Variants in ARID1B observed in about 807,000 individuals in gnomAD.
ARID1B encodes the protein AT-rich interactive domain-containing protein 1B.
Under a neutral mutation model 212.3 loss-of-function variants are expected in ARID1B, and 30 were observed. That is an observed-to-expected ratio of 0.14 (90% CI 0.11 to 0.19). The LOEUF (loss-of-function observed/expected upper bound fraction) is 0.19. Ranked by LOEUF, ARID1B falls within the 10% of genes least tolerant of loss-of-function variation. The probability of loss-of-function intolerance (pLI) is 1.00; values close to 1 mark genes in which losing one functional copy is unlikely to be tolerated. For synonymous variants in ARID1B, 1,402 were observed against 1,301.7 expected (o/e 1.08, Z -1.66); for missense variants, 2,891 against 3,204.0 (o/e 0.90, Z 2.36).
intron 2 of ARID1B, among the ~76,000 whole-genome samples, chr6:156,855,160 T>C (rs1350962925): frequency 6.6e-6 from 1 of 152,244 alleles, no homozygotes; most frequent in Non-Finnish European, 1.5e-5. Context: ...TGGGGAATGA[T>C]GTCCACTTTT....
At chr6:156,920,979 T>G (rs1235838220) in intron 3 of ARID1B, among the ~76,000 whole-genome samples, 1 of 151,990 alleles carries the variant, frequency 6.6e-6, no homozygotes, top group Non-Finnish European at 1.5e-5. Flanking sequence ...CTCAGCCTCC[T>G]GAGTAGCTGA....
In ARID1B at chr6:156,978,834, G is replaced by A. The variant is rs1024815849; in HGVS notation, c.2247+43258G>A. ...TAAATGTGATATATTACTTTTTCTA[G>A]CCACATACTCTTTTAGCCTTCAATA... On this transcript the variant is annotated intron_variant, in intron 4 of 19. Transcript: ENST00000636930. Among the ~76,000 whole-genome samples, 4 of 151,990 alleles carry A rather than the reference G, an allele frequency of 2.6e-5. 1 individual carries two copies. The East Asian group carries it at 5.8e-4, about 22-fold the overall frequency.
intron 4 of ARID1B, among the ~76,000 whole-genome samples, chr6:157,028,787 CG>C (rs1028845643): frequency 3.3e-5 from 5 of 152,146 alleles, no homozygotes; most frequent in African/African-American, 1.2e-4. Context: ...TTCTGAGTGC[CG>C]CTATTCTTCT....
intron 1 of ARID1B, among the ~76,000 whole-genome samples, chr6:156,818,434 C>G: frequency 6.6e-6 from 1 of 152,098 alleles, no homozygotes; most frequent in Non-Finnish European, 1.5e-5. Flanking sequence ...GGCATGGTAG[C>G]AACCATAGGG....
At chr6:156,887,766 A>G (rs1787627606) in intron 2 of ARID1B, among the ~76,000 whole-genome samples, 1 of 152,128 alleles carries the variant, frequency 6.6e-6, no homozygotes, top group Non-Finnish European at 1.5e-5. Flanking sequence ...TCATTTGAAA[A>G]AAAAAGAAGA....
intron 4 of ARID1B, among the ~76,000 whole-genome samples, chr6:157,048,178 G>A (rs1326821438): frequency 6.6e-6 from 1 of 152,178 alleles, no homozygotes; most frequent in Non-Finnish European, 1.5e-5. Context: ...AACGTGGCTG[G>A]TGTTGAAAGA....
intron 1 of ARID1B, among the ~76,000 whole-genome samples, chr6:156,820,687 G>A (rs992945247): frequency 2.6e-5 from 4 of 152,146 alleles, no homozygotes; most frequent in Non-Finnish European, 5.9e-5. Context: ...TCTCACCCAG[G>A]TTTGTCTGAC....
intron 6 of ARID1B, among the ~76,000 whole-genome samples, chr6:157,116,943 TC>T (rs1787357226): frequency 6.6e-6 from 1 of 152,150 alleles, no homozygotes; most frequent in African/African-American, 2.4e-5. Flanking sequence ...TCTCTATAGT[TC>T]TATAGAGAAA....
At chr6:157,050,763 G>C (rs558349809) in intron 4 of ARID1B, among the ~76,000 whole-genome samples, 1 of 152,064 alleles carries the variant, frequency 6.6e-6, no homozygotes, top group Non-Finnish European at 1.5e-5. Flanking sequence ...TGACTTTTTT[G>C]TTTCCTGATC....
At chr6:156,913,116 T>C (rs1490085401) in intron 3 of ARID1B, among the ~76,000 whole-genome samples, 2 of 151,938 alleles carry the variant, frequency 1.3e-5, no homozygotes, top group African/African-American at 4.8e-5. Context: ...TATACTACAT[T>C]GTAGAGTGAG....
At chr6:157,061,593 C>T (rs1290495206) in intron 4 of ARID1B, among the ~76,000 whole-genome samples, 2 of 151,912 alleles carry the variant, frequency 1.3e-5, no homozygotes, top group Admixed American at 1.3e-4. Context: ...AAAAAGATTG[C>T]CCAGTTATAG....
At chr6:156,853,734 T>C (rs1234053771) in intron 2 of ARID1B, among the ~76,000 whole-genome samples, 1 of 151,946 alleles carries the variant, frequency 6.6e-6, no homozygotes, top group African/African-American at 2.4e-5. Flanking sequence ...CCTCCATACG[T>C]TTTGTTTTTA....
intron 8 of ARID1B, chr6:157,151,098 CTG>C (rs1790166132): frequency 6.5e-6 from 1 of 153,856 alleles, no homozygotes; most frequent in Admixed American, 6.5e-5. Flanking sequence ...CAGGCCCTGT[CTG>C]TGCATGGCTT....
chr6:157,113,653 C>T (rs1284496628), intron 6 of ARID1B, among the ~76,000 whole-genome samples: 1 of 152,208 alleles, frequency 6.6e-6, no homozygotes, highest in Non-Finnish European at 1.5e-5. Context: ...TAACCTCCCA[C>T]CAGGCCCCAC....
chr6:157,196,499 TG>T (rs1793738162), intron 16 of ARID1B, among the ~76,000 whole-genome samples, 184 bp downstream of exon 16: 1 of 152,196 alleles, frequency 6.6e-6, no homozygotes, highest in Non-Finnish European at 1.5e-5. Flanking sequence ...CCTCAGTAGA[TG>T]GCTATTCAGG....
At position 157,190,100 on chromosome 6, in the gene ARID1B, G is replaced by A. The variant is rs754960836; in HGVS notation, c.4121G>A (p.Arg1374Gln). 27 of 1,614,108 alleles carry A rather than the reference G, an allele frequency of 1.7e-5. No homozygotes were observed. The highest frequency in any genetic ancestry group is 1.4e-5 in the Non-Finnish European group (17 of 1,180,052). ...SDVSDSSFPKRNSMTPNAPYQ... is the reference protein window; with the variant it reads ...SDVSDSSFPKQNSMTPNAPYQ... ...GTGAGTGATTCATCCTTCCCGAAAC[G>A]GAACTCCATGACTCCAAACGCCCCC... is the stretch of plus-strand genomic sequence containing the variant. Residue 1374 changes from arginine to glutamine, a missense_variant, in exon 15 of 20, where the codon CGG (arginine) becomes CAG (glutamine). By Grantham distance (43) the Arg-to-Gln change is conservative. Around this residue, in one of 7 missense-constraint regions of ARID1B, gnomAD observed 666 missense variants for 873.5 expected, o/e 0.76. Coordinates refer to ENST00000636930, the MANE Select transcript of ARID1B (RefSeq NM_001374828.1). This position sits in a 1 kb window ranked among gnomAD's most constrained non-coding sequence, Gnocchi z 4.6.
chr6:157,095,571 C>T (rs1383609705), intron 5 of ARID1B, among the ~76,000 whole-genome samples: 1 of 152,192 alleles, frequency 6.6e-6, no homozygotes, highest in Non-Finnish European at 1.5e-5. Context: ...GCCTGTCTTC[C>T]CAGTTAGGAG....
intron 4 of ARID1B, among the ~76,000 whole-genome samples, chr6:156,999,630 G>C (rs1778797180): frequency 6.6e-6 from 1 of 152,106 alleles, no homozygotes; most frequent in Admixed American, 6.5e-5. Flanking sequence ...GGAAGCGTGT[G>C]TGTTTGTGTT....
chr6:156,879,837 G>C (rs287870), intron 2 of ARID1B, among the ~76,000 whole-genome samples: 28,987 of 152,188 alleles, frequency 0.19, 3,200 homozygotes, highest in African/African-American at 0.28. Flanking sequence ...CTGTGTTTTA[G>C]ACTAGTGATC....
Sources: allele counts gnomAD v4.1 joint callset (sites outside exome capture counted in the v4.1 genomes callset), GRCh38; gene constraint gnomAD v4.1.1; regional missense constraint gnomAD v4.1.1; non-coding constraint Gnocchi (gnomAD v3.1); transcripts MANE v1.5; gene names NCBI Gene and HGNC (gene_info 2026-07-23, HGNC 2026-07-21).